The following SHANK2 variants were observed in gnomAD, a reference collection of about 807,000 sequenced individuals.
SHANK2 encodes the protein SH3 and multiple ankyrin repeat domains 2.
SHANK2 carries 43 observed loss-of-function variants against 133.7 expected under a neutral mutation model. The ratio of observed to expected loss-of-function variants is 0.32; its 90% CI spans 0.25 to 0.41. The LOEUF is 0.41. Among genes scored for constraint, SHANK2 ranks in the 10% least tolerant of loss-of-function variants. The probability of loss-of-function intolerance (pLI) is 1.00; values close to 1 mark genes in which losing one functional copy is unlikely to be tolerated. For missense variants in SHANK2, 1,994 were observed against 2,235.8 expected (o/e 0.89, Z 2.18); for synonymous variants, 1,017 against 952.8 (o/e 1.07, Z -1.24).
intron 14 of SHANK2, among the ~76,000 whole-genome samples, chr11:70,784,376 A>G (rs1392207172): frequency 8.9e-5 from 1 of 11,284 alleles, no homozygotes; most frequent in Non-Finnish European, 2.7e-4. Context: ...TTTTTTTTTT[A>G]AGTAGCGACG....
chr11:70,567,122 C>T lies in SHANK2; in HGVS notation c.2062-64191G>A, dbSNP rs143284150. ...ACCATCTACTCTAAGTTAAACACAC[C>T]GGGCTATGATTGATGGAGAGGTGTC... On this transcript the variant is annotated intron_variant, in intron 17 of 25. Transcript: ENST00000601538. 5.1e-4 allele frequency among the ~76,000 whole-genome samples: 77 copies of T among 152,254 alleles called. 1 individual carries two copies. The highest frequency in any genetic ancestry group is 1.4e-3 in the East Asian group (7 of 5,182).
intron 2 of SHANK2, among the ~76,000 whole-genome samples, chr11:71,208,061 C>T (rs1555118264): frequency 1.3e-5 from 2 of 152,224 alleles, no homozygotes; most frequent in East Asian, 3.9e-4. Context: ...ACACCTAAAA[C>T]CCACACATGA....
At chr11:70,537,726 T>C (rs868962328) in intron 17 of SHANK2, among the ~76,000 whole-genome samples, 1 of 152,256 alleles carries the variant, frequency 6.6e-6, no homozygotes, top group South Asian at 2.1e-4. Flanking sequence ...AGTGAAGAAA[T>C]AGGCGGCTGG....
intron 9 of SHANK2, among the ~76,000 whole-genome samples, chr11:71,073,102 T>C (rs1350905906): frequency 1.3e-5 from 2 of 151,590 alleles, no homozygotes; most frequent in African/African-American, 4.8e-5. Flanking sequence ...ATCTGTCCCA[T>C]GCAGTGGTGG....
At chr11:71,108,937 GC>G (rs145726757) in intron 6 of SHANK2, among the ~76,000 whole-genome samples, 7,715 of 150,892 alleles carry the variant, frequency 0.051, 552 homozygotes, top group African/African-American at 0.16. Context: ...CACCCAGCGG[GC>G]CCCCCCCCAG....
chr11:70,881,120 C>T (rs1555072338), intron 11 of SHANK2, among the ~76,000 whole-genome samples: 6 of 152,202 alleles, frequency 3.9e-5, no homozygotes, highest in Non-Finnish European at 8.8e-5. Flanking sequence ...TCATTGCAGC[C>T]TTGAACTACC....
chr11:70,490,527 G>T, intron 22 of SHANK2, 140 bp from the exon 23 acceptor site: 1 of 741,346 alleles, frequency 1.3e-6, no homozygotes, highest in Non-Finnish European at 2.4e-6. Flanking sequence ...TCTCCAGTGG[G>T]GCTGATGAGA....
chr11:70,797,095 T>C (rs1947930277), intron 14 of SHANK2, among the ~76,000 whole-genome samples: 1 of 152,186 alleles, frequency 6.6e-6, no homozygotes, highest in African/African-American at 2.4e-5. Context: ...CCTCGGGAGC[T>C]GATAAATGGA....
intron 2 of SHANK2, among the ~76,000 whole-genome samples, chr11:71,167,944 C>T (rs1360040715): frequency 6.8e-6 from 1 of 146,264 alleles, no homozygotes; most frequent in Admixed American, 6.7e-5. Flanking sequence ...ACCTCCCTGC[C>T]GGACGAGGTG....
At chr11:70,816,017 G>C (rs1218946615) in intron 12 of SHANK2, among the ~76,000 whole-genome samples, 1 of 152,164 alleles carries the variant, frequency 6.6e-6, no homozygotes, top group Non-Finnish European at 1.5e-5. Context: ...TCTGCCACCG[G>C]GACAATAACA....
intron 2 of SHANK2, among the ~76,000 whole-genome samples, chr11:71,178,682 A>G (rs1407958154): frequency 6.6e-6 from 1 of 152,222 alleles, no homozygotes; most frequent in Non-Finnish European, 1.5e-5. Context: ...GATACAAAAA[A>G]GCATACTTAG....
chr11:70,815,059 C>T (rs1458689341), intron 12 of SHANK2, among the ~76,000 whole-genome samples: 13 of 152,192 alleles, frequency 8.5e-5, no homozygotes, highest in African/African-American at 3.1e-4. Context: ...TGGACGCCAC[C>T]AGAGGGCGCC....
At chr11:70,719,586 G>A (rs75437064) in intron 14 of SHANK2, among the ~76,000 whole-genome samples, 1,664 of 152,168 alleles carry the variant, frequency 0.011, 32 homozygotes, top group African/African-American at 0.036. Flanking sequence ...CCTTCTGCCC[G>A]TGGTCTGATG....
intron 10 of SHANK2, among the ~76,000 whole-genome samples, chr11:70,928,369 C>T (rs1023017175): frequency 8.5e-5 from 13 of 152,156 alleles, no homozygotes; most frequent in Non-Finnish European, 2.9e-5. Flanking sequence ...TTATTCAGGG[C>T]AGAACAGGCT....
chr11:70,597,120 C>T (rs1049156213), intron 17 of SHANK2, among the ~76,000 whole-genome samples: 1 of 152,040 alleles, frequency 6.6e-6, no homozygotes, highest in African/African-American at 2.4e-5. Flanking sequence ...GACTCAGGGG[C>T]GCAGCAGCAC....
chr11:71,238,982 G>C (rs112538283), intron 1 of SHANK2, among the ~76,000 whole-genome samples: 1,683 of 152,324 alleles, frequency 0.011, 25 homozygotes, highest in African/African-American at 0.038. Flanking sequence ...AAGACACAGA[G>C]ACAAAGTATA....
chr11:70,781,267 G>A lies in SHANK2; in HGVS notation c.1777+17176C>T, dbSNP rs1447014490. On this transcript the variant is annotated intron_variant, in intron 14 of 25. Transcript: ENST00000601538. ...TTCACGATTGTTCTGGAGATTGGAG[G>A]AAAACCATGAGAAACGTCCGGTTTG... Among the ~76,000 whole-genome samples, 10 of 151,904 alleles carry A rather than the reference G, an allele frequency of 6.6e-5. No homozygotes were observed. The East Asian group carries it at 2.0e-3, about 30-fold the overall frequency.
intron 17 of SHANK2, among the ~76,000 whole-genome samples, chr11:70,622,139 C>T (rs2060837409): frequency 1.3e-5 from 2 of 152,150 alleles, no homozygotes; most frequent in Admixed American, 1.3e-4. Flanking sequence ...GCTGGTCAAC[C>T]ACTCCTCGGC....
chr11:71,247,476 G>GT (rs5792549), intron 1 of SHANK2, among the ~76,000 whole-genome samples: 3,633 of 147,470 alleles, frequency 0.025, 109 homozygotes, highest in African/African-American at 0.081. Context: ...AGAACAAGCT[G>GT]TTTTTTTTAA....
Sources: gnomAD v4.1 joint callset for allele counts (sites outside exome capture counted in the v4.1 genomes callset) on GRCh38, gnomAD v4.1.1 for gene constraint, MANE v1.5 for transcripts, NCBI Gene and HGNC (gene_info 2026-07-23, HGNC 2026-07-21) for gene names.